Variants in NTM observed in about 807,000 individuals in gnomAD.
NTM encodes neurotrimin, also known as IgLON family member 2.
Under a neutral mutation model 42.1 loss-of-function variants are expected in NTM, and 13 were observed. The ratio of observed to expected loss-of-function variants is 0.31; its 90% CI spans 0.20 to 0.49. The LOEUF (loss-of-function observed/expected upper bound fraction) is 0.49. NTM is among the 20% of genes least tolerant of loss of function. NTM has a pLI of 0.99. For missense variants in NTM, 373 were observed against 452.8 expected, an observed-to-expected ratio of 0.82 and a Z score of 1.60; for synonymous variants, 187 against 179.2, an observed-to-expected ratio of 1.04 and a Z score of -0.35.
intron 2 of NTM, among the ~76,000 whole-genome samples, chr11:132,074,492 G>T (rs564226245): frequency 9.2e-5 from 14 of 151,802 alleles, no homozygotes; most frequent in Non-Finnish European, 1.9e-4. Flanking sequence ...ATATTTGCTT[G>T]ATTTGAAGGT....
At chr11:131,436,228 G>A (rs1466721834) in intron 1 of NTM, among the ~76,000 whole-genome samples, 2 of 152,178 alleles carry the variant, frequency 1.3e-5, no homozygotes, top group African/African-American at 4.8e-5. Context: ...TGTTCATCAG[G>A]GATATTGGTC....
At chr11:132,195,566 G>C (rs2080070749) in intron 3 of NTM, among the ~76,000 whole-genome samples, 1 of 151,754 alleles carries the variant, frequency 6.6e-6, no homozygotes, top group Non-Finnish European at 1.5e-5. Context: ...ATACTACAAG[G>C]CTACAGTAAC....
At chr11:132,132,758 C>T (rs186213355) in intron 2 of NTM, among the ~76,000 whole-genome samples, 6 of 152,162 alleles carry the variant, frequency 3.9e-5, no homozygotes, top group Admixed American at 2.0e-4. Flanking sequence ...TCAGGCTTGT[C>T]GCAACACAAT....
intron 3 of NTM, among the ~76,000 whole-genome samples, chr11:132,188,316 C>G (rs2078757026): frequency 6.6e-6 from 1 of 152,176 alleles, no homozygotes; most frequent in African/African-American, 2.4e-5. Flanking sequence ...AAGCTGAAGA[C>G]TTGAGAAAAG....
At chr11:132,163,110 C>T (rs1591931901) in intron 3 of NTM, among the ~76,000 whole-genome samples, 1 of 152,252 alleles carries the variant, frequency 6.6e-6, no homozygotes, top group East Asian at 1.9e-4. Context: ...GCAGAGAGGC[C>T]CTGCCTGCCA....
intron 1 of NTM, among the ~76,000 whole-genome samples, chr11:131,876,592 G>A (rs1206946535): frequency 6.6e-6 from 1 of 152,178 alleles, no homozygotes; most frequent in East Asian, 1.9e-4. Flanking sequence ...GTCAAATTCT[G>A]CCATTGGAAG....
intron 2 of NTM, among the ~76,000 whole-genome samples, chr11:132,071,536 A>C (rs2136170688): frequency 6.6e-6 from 1 of 152,358 alleles, no homozygotes; most frequent in Non-Finnish European, 1.5e-5. Flanking sequence ...ATTTGATTCA[A>C]ATGTGGGAAA....
chr11:132,292,648 A>G (rs1346755456), intron 4 of NTM, among the ~76,000 whole-genome samples: 4 of 151,932 alleles, frequency 2.6e-5, no homozygotes, highest in African/African-American at 9.7e-5. Flanking sequence ...GAGGAGACAG[A>G]CATTTAGATT....
chr11:131,595,121 A>T (rs2059704905), intron 1 of NTM, among the ~76,000 whole-genome samples: 1 of 152,146 alleles, frequency 6.6e-6, no homozygotes, highest in South Asian at 2.1e-4. Context: ...TTGGGGAGGA[A>T]AGGCAGTGAC....
In NTM at chr11:132,335,248, G is replaced by A. The variant is rs1197831114; in HGVS notation, c.*102G>A. ...AGCAACCAATCAGATATATACAAATGAAATTAGAAGAAACACAGCCTCATG... is the reference window on the plus strand; with the variant it reads ...AGCAACCAATCAGATATATACAAATAAAATTAGAAGAAACACAGCCTCATG... On this transcript the variant is annotated 3_prime_UTR_variant, in exon 9 of 9. Coordinates refer to ENST00000683400, the MANE Select transcript of NTM (RefSeq NM_001352005.2). 1 of 1,226,662 alleles carries A rather than the reference G, an allele frequency of 8.2e-7. No homozygotes were observed. Among genetic ancestry groups the A allele is most frequent in the Non-Finnish European group, 1.1e-6 (1 of 893,338 alleles). The allele number at this position is 1,226,662 out of a possible 1,614,324, so 76.0% of individuals were successfully genotyped here.
chr11:131,459,845 TG>T (rs1951217264), intron 1 of NTM, among the ~76,000 whole-genome samples: 2 of 152,292 alleles, frequency 1.3e-5, no homozygotes, highest in African/African-American at 4.8e-5. Flanking sequence ...TACTTTCACC[TG>T]ATTCAAGGCT....
At position 132,146,381 on chromosome 11, in the gene NTM, C is replaced by T; in HGVS notation, c.267C>T (p.Val89=). 1 of 1,614,184 alleles carries T rather than the reference C, an allele frequency of 6.2e-7. No homozygotes were observed. Among genetic ancestry groups the T allele is most frequent in the Non-Finnish European group, 8.5e-7 (1 of 1,180,040 alleles). ...NDKWCLDPRV[V]LLSNTQTQYS... is the part of the protein sequence containing the mutation. The stretch of plus-strand genomic sequence containing the variant: ...AGTGGTGCCTGGATCCTCGCGTGGT[C>T]CTTCTGAGCAACACCCAAACGCAGT... Residue 89 remains valine, a synonymous_variant, in exon 3 of 9, where the codon GTC becomes GTT. Transcript: ENST00000683400. The surrounding 1 kb of genome is among the most constrained non-coding windows in gnomAD (Gnocchi z 4.5).
intron 3 of NTM, among the ~76,000 whole-genome samples, chr11:132,174,692 C>T (rs1214741574): frequency 3.3e-5 from 5 of 151,720 alleles, no homozygotes; most frequent in Non-Finnish European, 7.4e-5. Context: ...GGCAATGGCT[C>T]TTTGAAATAT....
chr11:132,301,037 G>A (rs555791135), intron 4 of NTM, among the ~76,000 whole-genome samples: 181 of 152,254 alleles, frequency 1.2e-3, no homozygotes, highest in Non-Finnish European at 2.2e-3. Flanking sequence ...ATACACCTCT[G>A]TATTAGTCTG....
intron 3 of NTM, among the ~76,000 whole-genome samples, chr11:132,208,613 C>A (rs1042707018): frequency 4.9e-4 from 74 of 152,238 alleles, no homozygotes; most frequent in African/African-American, 1.7e-3. Flanking sequence ...CACCTTCTGT[C>A]CTGCTTGGGG....
At chr11:131,401,249 A>G (rs1945102854) in intron 1 of NTM, among the ~76,000 whole-genome samples, 3 of 152,078 alleles carry the variant, frequency 2.0e-5, no homozygotes. Flanking sequence ...AGCTCATCCC[A>G]CCAGAGGGCC....
intron 1 of NTM, among the ~76,000 whole-genome samples, chr11:131,406,672 C>T (rs942213811): frequency 6.6e-6 from 1 of 152,198 alleles, no homozygotes; most frequent in African/African-American, 2.4e-5. Context: ...TAGCAACATA[C>T]TGTAATAAAA....
At chr11:131,862,452 A>G (rs1401421866) in intron 1 of NTM, among the ~76,000 whole-genome samples, 1 of 152,136 alleles carries the variant, frequency 6.6e-6, no homozygotes, top group Non-Finnish European at 1.5e-5. Context: ...TCATTCACTC[A>G]TTTCTTCATT....
intron 1 of NTM, among the ~76,000 whole-genome samples, chr11:131,889,498 T>C (rs943724580): frequency 2.0e-5 from 3 of 152,328 alleles, no homozygotes; most frequent in Non-Finnish European, 4.4e-5. Flanking sequence ...TTTGTCATAT[T>C]GCATGTGACT....
Sources: gnomAD v4.1 joint callset for allele counts (sites outside exome capture counted in the v4.1 genomes callset) on GRCh38, gnomAD v4.1.1 for gene constraint, Gnocchi (gnomAD v3.1) non-coding constraint, MANE v1.5 for transcripts, NCBI Gene and HGNC (gene_info 2026-07-23, HGNC 2026-07-21) for gene names.